The following RTL4 variants were observed in gnomAD, a reference collection of about 807,000 sequenced individuals.
The protein encoded by RTL4 is retrotransposon Gag-like protein 4.
A neutral mutation model predicts 5.3 loss-of-function variants in RTL4; 4 were observed. The ratio of observed to expected loss-of-function variants is 0.75; its 90% CI spans 0.37 to 1.72. The LOEUF is 1.72. Among genes scored for constraint, RTL4 ranks in the 40% most tolerant of loss-of-function variants. The pLI is 0.04. For missense variants in RTL4, 260 were observed against 227.1 expected, an observed-to-expected ratio of 1.14 and a Z score of -0.93; for synonymous variants, 98 against 87.3, an observed-to-expected ratio of 1.12 and a Z score of -0.68.
At chrX:112,276,129 G>A in the RTL4 span, among the ~76,000 whole-genome samples, 1 of 111,843 alleles carries the variant, frequency 8.9e-6, no homozygotes, top group Non-Finnish European at 1.9e-5. Flanking sequence ...TCAATTTAAA[G>A]AAAGAGAGCA....
At chrX:112,244,315 T>C in the RTL4 span, among the ~76,000 whole-genome samples, 1 of 111,567 alleles carries the variant, frequency 9.0e-6, no homozygotes, top group Non-Finnish European at 1.9e-5. Context: ...CTCCCATTAT[T>C]ATTGTGTGGG....
chrX:112,335,552 G>A, the RTL4 span, among the ~76,000 whole-genome samples: 3 of 110,926 alleles, frequency 2.7e-5, no homozygotes, highest in Non-Finnish European at 3.8e-5. Flanking sequence ...TTAAGGCTAA[G>A]TATTTTCTTT....
At chrX:112,370,255 T>A in the RTL4 span, among the ~76,000 whole-genome samples, 1 of 110,974 alleles carries the variant, frequency 9.0e-6, no homozygotes, top group Non-Finnish European at 1.9e-5. Flanking sequence ...CTCTGCCTCT[T>A]TTTTGTGGAG....
chrX:112,236,449 A>AGATATAGATATATATCTATATC, the RTL4 span, among the ~76,000 whole-genome samples: 4 of 81,211 alleles, frequency 4.9e-5, no homozygotes, highest in African/African-American at 2.0e-4. Context: ...ATATCTATAT[A>AGATATAGATATATATCTATATC]TAGATATAGA....
the RTL4 span, among the ~76,000 whole-genome samples, chrX:112,424,162 C>T: frequency 5.7e-3 from 636 of 111,870 alleles, 6 homozygotes; most frequent in African/African-American, 0.02. Flanking sequence ...AATGAAAGAA[C>T]ATAAATTAAT....
the RTL4 span, among the ~76,000 whole-genome samples, chrX:112,399,013 A>G: frequency 1.5e-4 from 17 of 112,345 alleles, no homozygotes; most frequent in Non-Finnish European, 2.6e-4. Context: ...GAGATTTTCT[A>G]TGTCTTCTTG....
chrX:112,228,915 A>C, the RTL4 span, among the ~76,000 whole-genome samples: 2 of 112,273 alleles, frequency 1.8e-5, no homozygotes, highest in Non-Finnish European at 3.8e-5. Context: ...AATTTACTAA[A>C]ACCAAGCAAC....
At chrX:112,212,098 C>T in the RTL4 span, among the ~76,000 whole-genome samples, 3 of 112,352 alleles carry the variant, frequency 2.7e-5, no homozygotes, top group Admixed American at 9.3e-5. Flanking sequence ...AGAAGTGGGC[C>T]GGGCGCGGTG....
chrX:112,326,884 C>T, the RTL4 span, among the ~76,000 whole-genome samples: 1 of 111,696 alleles, frequency 9.0e-6, no homozygotes, highest in Admixed American at 9.5e-5. Flanking sequence ...AGGCACCCCC[C>T]AGCAGGGGCA....
the RTL4 span, among the ~76,000 whole-genome samples, chrX:112,249,631 C>T: frequency 1.1e-4 from 12 of 110,252 alleles, no homozygotes; most frequent in Non-Finnish European, 2.3e-4. Context: ...CCTTCAGACT[C>T]GGACTCAGAT....
the RTL4 span, among the ~76,000 whole-genome samples, chrX:112,378,718 T>A: frequency 8.9e-6 from 1 of 111,791 alleles, no homozygotes. Context: ...AATGGGAACA[T>A]AAATGGAGCA....
At chrX:112,415,465 A>G in the RTL4 span, among the ~76,000 whole-genome samples, 3 of 111,464 alleles carry the variant, frequency 2.7e-5, no homozygotes, top group Non-Finnish European at 3.8e-5. Context: ...GTAAATGGAT[A>G]TATGACATTT....
chrX:112,132,563 T>C, the RTL4 span, among the ~76,000 whole-genome samples: 14 of 112,076 alleles, frequency 1.2e-4, no homozygotes, highest in Non-Finnish European at 2.1e-4. Flanking sequence ...GGAGTTTCAC[T>C]GACCCCCTCA....
the RTL4 span, among the ~76,000 whole-genome samples, chrX:112,195,140 T>C: frequency 9.0e-6 from 1 of 111,720 alleles, no homozygotes; most frequent in Non-Finnish European, 1.9e-5. Flanking sequence ...GTCCTAAAGA[T>C]GAAGCATGTG....
chrX:112,382,590 A>G, the RTL4 span, among the ~76,000 whole-genome samples: 1 of 112,383 alleles, frequency 8.9e-6, no homozygotes, highest in East Asian at 2.8e-4. Context: ...CTTTATAGAG[A>G]AAGTACCTTT....
the RTL4 span, among the ~76,000 whole-genome samples, chrX:112,421,573 T>TCA: frequency 8.9e-6 from 1 of 111,890 alleles, no homozygotes; most frequent in Non-Finnish European, 1.9e-5. Context: ...CCAAGATACC[T>TCA]CAATCCCAAA....
the RTL4 span, among the ~76,000 whole-genome samples, chrX:112,271,523 G>T: frequency 0.066 from 7,363 of 111,168 alleles, 568 homozygotes; most frequent in African/African-American, 0.23. Flanking sequence ...AAAACCTCTT[G>T]TGTACCTAGA....
At chrX:112,337,423 AC>A in the RTL4 span, among the ~76,000 whole-genome samples, 3 of 110,283 alleles carry the variant, frequency 2.7e-5, no homozygotes, top group Non-Finnish European at 5.7e-5. Flanking sequence ...AGCTGGGATT[AC>A]AGGCACCTGC....
the RTL4 span, among the ~76,000 whole-genome samples, chrX:112,333,791 G>A: frequency 4.5e-5 from 5 of 111,661 alleles, no homozygotes; most frequent in Admixed American, 2.9e-4. Flanking sequence ...TATCCTTTGA[G>A]TTACAAACAA....
Sources: allele counts gnomAD v4.1 joint callset (sites outside exome capture counted in the v4.1 genomes callset), GRCh38; gene constraint gnomAD v4.1.1; transcripts MANE v1.5; gene names NCBI Gene and HGNC (gene_info 2026-07-23, HGNC 2026-07-21).